TTC3: variants seen among roughly 807,000 people sequenced by gnomAD.
TTC3 encodes the protein E3 ubiquitin-protein ligase TTC3.
In TTC3, 180 loss-of-function variants were observed where a neutral mutation model predicts 249.6. The observed-to-expected ratio is 0.72, with a 90% CI of 0.64 to 0.82. The LOEUF is 0.82. Ranked by LOEUF, TTC3 falls within the 40% of genes least tolerant of loss-of-function variation. The pLI, the probability that TTC3 is intolerant of heterozygous loss-of-function variation, is 0.00. For missense variants in TTC3, 2,061 were observed against 2,398.4 expected (o/e 0.86, Z 2.94); for synonymous variants, 717 against 805.0 (o/e 0.89, Z 1.85).
At chr21:37,089,113 A>G (rs2072909554) in intron 5 of TTC3, among the ~76,000 whole-genome samples, 1 of 152,198 alleles carries the variant, frequency 6.6e-6, no homozygotes, top group African/African-American at 2.4e-5. Flanking sequence ...GCATCTTGTC[A>G]TTAAAGGATA....
chr21:37,146,310 C>T (rs1452354720), intron 21 of TTC3, among the ~76,000 whole-genome samples: 3 of 152,118 alleles, frequency 2.0e-5, no homozygotes, highest in Non-Finnish European at 4.4e-5. Context: ...AGGAGGATTG[C>T]TTGAGCTCAG....
chr21:37,132,376 G>A (rs573075796), intron 16 of TTC3, among the ~76,000 whole-genome samples: 72 of 150,752 alleles, frequency 4.8e-4, no homozygotes, highest in Non-Finnish European at 9.7e-4. Flanking sequence ...TGTCGCCCAG[G>A]CTGGAGTGCA....
At chr21:37,161,875 T>C (rs2080789645) in intron 30 of TTC3, 115 bp from the exon 31 acceptor site, 4 of 630,022 alleles carry the variant, frequency 6.3e-6, no homozygotes, top group East Asian at 2.9e-5. Context: ...ATAGATCTTA[T>C]ATATCAGCAA....
intron 11 of TTC3, among the ~76,000 whole-genome samples, chr21:37,117,704 C>G (rs994262175): frequency 2.0e-5 from 3 of 151,666 alleles, no homozygotes; most frequent in South Asian, 2.1e-4. Context: ...ATGGCAAAAC[C>G]ATATCTTTAC....
chr21:37,126,477 C>T (rs1039887302), intron 15 of TTC3, among the ~76,000 whole-genome samples: 2 of 152,200 alleles, frequency 1.3e-5, no homozygotes, highest in African/African-American at 4.8e-5. Flanking sequence ...TGCTAGGAGC[C>T]TGTTTAGACC....
intron 36 of TTC3, 114 bp from the exon 37 acceptor site, chr21:37,185,592 T>C (rs2083168957): frequency 4.0e-6 from 2 of 494,808 alleles, no homozygotes; most frequent in Non-Finnish European, 6.9e-6. Context: ...TGTAAAAATA[T>C]ATATATTAAA....
Position 37,113,432 on chromosome 21 carries a change from G to A in TTC3, c.900+4986G>A, listed in dbSNP as rs530560465. 1.9e-3 allele frequency among the ~76,000 whole-genome samples: 285 copies of A among 152,208 alleles called. 3 individuals carry two copies. The highest frequency in any genetic ancestry group is 6.2e-3 in the African/African-American group (257 of 41,528). On this transcript the variant is annotated intron_variant, in intron 11 of 45. Transcript: ENST00000355666. ...CCAAATCATGAGTGAACTCCCATTC[G>A]CTATTGCTTCAAAGAGAATAAAATA...
chr21:37,113,848 C>T lies in TTC3; in HGVS notation c.900+5402C>T, dbSNP rs188211482. On this transcript the variant is annotated intron_variant, in intron 11 of 45. Transcript: ENST00000355666. Reference sequence around the variant, plus strand: ...CTGGTACCAAAACAAAGATATAGACCAATGGAACAGAACAGAGCCCTCAGA... The same window carrying T: ...CTGGTACCAAAACAAAGATATAGACTAATGGAACAGAACAGAGCCCTCAGA... Among the ~76,000 whole-genome samples, 275 of 152,184 alleles carry T rather than the reference C, an allele frequency of 1.8e-3. 3 individuals carry two copies. Among genetic ancestry groups the T allele is most frequent in the Non-Finnish European group, 4.3e-4 (29 of 68,008 alleles).
chr21:37,195,750 G>A (rs2084827219), exon 42 of TTC3: 2 of 1,614,162 alleles, frequency 1.2e-6, no homozygotes, highest in East Asian at 2.2e-5. Context: ...CGACGTGACT[G>A]GAAACCACGC....
At position 37,167,549 on chromosome 21, in the gene TTC3, C is replaced by T. The variant is rs752800166; in HGVS notation, c.4402-6C>T. ...AAGTGAATTTTATTTTTTGTTTTGC[C>T]CACAGGTATCTTGGAACATAATACA... On this transcript the variant is annotated splice_region_variant and splice_polypyrimidine_tract_variant and intron_variant, in intron 33 of 45. Coordinates refer to ENST00000355666, the Ensembl canonical transcript of TTC3. The T allele has an allele frequency of 6.2e-7, 1 of 1,603,974 alleles. No homozygotes were observed. The highest frequency in any genetic ancestry group is 2.3e-5 in the East Asian group (1 of 44,260).
At chr21:37,109,948 CAG>C (rs1473821396) in intron 11 of TTC3, among the ~76,000 whole-genome samples, 3 of 152,340 alleles carry the variant, frequency 2.0e-5, no homozygotes, top group East Asian at 1.9e-4. Context: ...CCCAGGCAAA[CAG>C]GGTCTCGAGT....
intron 10 of TTC3, chr21:37,107,613 A>G (rs1241867200): frequency 6.6e-6 from 1 of 152,212 alleles, no homozygotes; most frequent in Admixed American, 6.5e-5. Context: ...CAGAGATGTT[A>G]ATAACTCCCT....
At chr21:37,113,124 A>C (rs2075819948) in intron 11 of TTC3, among the ~76,000 whole-genome samples, 1 of 152,226 alleles carries the variant, frequency 6.6e-6, no homozygotes, top group South Asian at 2.1e-4. Context: ...CCCTTTGAAA[A>C]CTGGCACAAG....
At chr21:37,153,967 C>T (rs1453650726) in intron 27 of TTC3, among the ~76,000 whole-genome samples, 2 of 149,438 alleles carry the variant, frequency 1.3e-5, no homozygotes, top group Admixed American at 6.6e-5. Flanking sequence ...TTCTGACTTT[C>T]GTAACTTGGC....
chr21:37,185,744 A>G, exon 37 of TTC3: 3 of 1,556,998 alleles, frequency 1.9e-6, no homozygotes, highest in Non-Finnish European at 2.6e-6. Context: ...AAGGAACATG[A>G]ATTACATCTG....
intron 32 of TTC3, among the ~76,000 whole-genome samples, chr21:37,164,652 T>C (rs1240732885): frequency 6.6e-6 from 1 of 152,158 alleles, no homozygotes; most frequent in Admixed American, 6.5e-5. Flanking sequence ...GGATTTTTAA[T>C]TATTAAATTT....
chr21:37,195,897 G>A (rs148111145), exon 42 of TTC3: 28 of 1,614,138 alleles, frequency 1.7e-5, no homozygotes, highest in Non-Finnish European at 2.5e-6. Context: ...TGGCCAGGCA[G>A]CTCTGTCAGA....
At chr21:37,188,414 T>C in intron 38 of TTC3, 81 bp from the exon 39 acceptor site, 1 of 1,042,628 alleles carries the variant, frequency 9.6e-7, no homozygotes, top group Non-Finnish European at 1.4e-6. Context: ...GAAAGTGGTT[T>C]GAATGTTTAA....
In TTC3 at chr21:37,192,829, A is replaced by G. The variant is rs375786895; in HGVS notation, c.5217+616A>G. On this transcript the variant is annotated intron_variant, in intron 41 of 45. Coordinates refer to ENST00000355666, the Ensembl canonical transcript of TTC3. ...TAATCTTGTCTTTTTATTTTAATAT[A>G]CACAGCACAGTAAAGAAAAGCATTA... Among the ~76,000 whole-genome samples the G allele has an allele frequency of 3.9e-5, 6 of 152,316 alleles. No homozygotes were observed. In the East Asian group the frequency reaches 1.2e-3, roughly 29 times the overall value.
Sources: allele counts gnomAD v4.1 joint callset (sites outside exome capture counted in the v4.1 genomes callset), GRCh38; gene constraint gnomAD v4.1.1; transcripts MANE v1.5; gene names NCBI Gene and HGNC (gene_info 2026-07-23, HGNC 2026-07-21).